The following THEMIS variants were observed in gnomAD, a reference collection of about 807,000 sequenced individuals.
THEMIS encodes the protein protein THEMIS.
Under a neutral mutation model 52.6 loss-of-function variants are expected in THEMIS, and 37 were observed. The observed-to-expected ratio is 0.70, with a 90% confidence interval of 0.54 to 0.93. THEMIS has a LOEUF of 0.93. THEMIS is among the 40% of genes least tolerant of loss of function. The pLI, the probability that THEMIS is intolerant of heterozygous loss-of-function variation, is 0.00. For missense variants in THEMIS, 808 were observed against 763.1 expected, an observed-to-expected ratio of 1.06 and a Z score of -0.69; for synonymous variants, 292 against 272.7, an observed-to-expected ratio of 1.07 and a Z score of -0.70.
intron 1 of THEMIS, among the ~76,000 whole-genome samples, chr6:127,867,043 G>A (rs1168942809): frequency 6.6e-6 from 1 of 151,590 alleles, no homozygotes; most frequent in Non-Finnish European, 1.5e-5. Context: ...TAGAAAAGGA[G>A]ATGTAGGTAC....
Position 127,790,358 on chromosome 6 carries a change from A to AT in THEMIS, c.1758+22524dup, listed in dbSNP as rs1777115914. 2.0e-5 allele frequency among the ~76,000 whole-genome samples: 3 copies of AT among 152,196 alleles called. No homozygotes were observed. In the South Asian group the frequency reaches 6.2e-4, roughly 32 times the overall value. ...ACACAATTGTTGAATGAAAATAAAA[A>AT]TGCACTTTCTTCTAAACTTTTTATT... On this transcript the variant is annotated intron_variant, in intron 4 of 5. Transcript: ENST00000368248.
intron 4 of THEMIS, among the ~76,000 whole-genome samples, chr6:127,810,809 A>T (rs1479499622): frequency 6.6e-6 from 1 of 151,978 alleles, no homozygotes; most frequent in East Asian, 1.9e-4. Flanking sequence ...CAAAGAGATT[A>T]TCTTCTTCTC....
chr6:127,847,692 T>A (rs1779265313), intron 2 of THEMIS, among the ~76,000 whole-genome samples: 1 of 151,202 alleles, frequency 6.6e-6, no homozygotes, highest in Admixed American at 6.6e-5. Context: ...ATGGGAAGAG[T>A]CAATATTGTG....
intron 3 of THEMIS, among the ~76,000 whole-genome samples, chr6:127,821,362 T>C (rs1432454177): frequency 6.6e-6 from 1 of 152,094 alleles, no homozygotes; most frequent in Non-Finnish European, 1.5e-5. Context: ...AGCATGAGAC[T>C]GAGAAACATT....
intron 4 of THEMIS, among the ~76,000 whole-genome samples, chr6:127,734,741 G>A (rs749699964): frequency 1.3e-5 from 2 of 150,894 alleles, no homozygotes; most frequent in South Asian, 2.1e-4. Flanking sequence ...GTGGTGGCAC[G>A]CGCCGTAGTC....
chr6:127,886,575 C>T (rs1421830139), intron 1 of THEMIS, among the ~76,000 whole-genome samples: 1 of 152,080 alleles, frequency 6.6e-6, no homozygotes, highest in African/African-American at 2.4e-5. Context: ...ATAAGTCTGA[C>T]ATTTGTAGGG....
chr6:127,805,733 C>T (rs1335850186), intron 4 of THEMIS, among the ~76,000 whole-genome samples: 1 of 151,926 alleles, frequency 6.6e-6, no homozygotes. Context: ...GAAAACATCA[C>T]CGAAGATTAA....
chr6:127,822,593 A>G (rs1410526342), intron 3 of THEMIS, among the ~76,000 whole-genome samples: 2 of 152,172 alleles, frequency 1.3e-5, no homozygotes, highest in Non-Finnish European at 2.9e-5. Context: ...AAAAGCAAAT[A>G]AACACTTTTT....
upstream of THEMIS, among the ~76,000 whole-genome samples, chr6:127,904,255 G>T (rs1048276228): frequency 1.3e-5 from 2 of 152,062 alleles, no homozygotes; most frequent in Non-Finnish European, 2.9e-5. Flanking sequence ...GCAGTACAGG[G>T]TTGATTGTAT....
chr6:127,719,965 G>A, intron 4 of THEMIS, 142 bp from the exon 5 acceptor site: 3 of 1,066,254 alleles, frequency 2.8e-6, no homozygotes, highest in Non-Finnish European at 4.0e-6. Flanking sequence ...CAAATTATAT[G>A]TTCATCAATA....
chr6:127,787,191 G>T (rs543095121), intron 4 of THEMIS, among the ~76,000 whole-genome samples: 16 of 152,006 alleles, frequency 1.1e-4, no homozygotes, highest in East Asian at 7.7e-4. Flanking sequence ...AAGATATAGG[G>T]TTTTTTTTAA....
In THEMIS at chr6:127,718,217, A is replaced by G. The variant is rs185000416; in HGVS notation, c.1894+1471T>C. Among the ~76,000 whole-genome samples, 5 of 152,084 alleles carry G rather than the reference A, an allele frequency of 3.3e-5. No homozygotes were observed. The East Asian group carries it at 9.7e-4, about 30-fold the overall frequency. ...TTTACAAATGGGAAAGCAAATAAAA[A>G]TATTGCCAAGATGTTCATACTGGGT... On this transcript the variant is annotated intron_variant, in intron 5 of 5. Transcript: ENST00000368248.
At chr6:127,696,648 G>T in the THEMIS span, among the ~76,000 whole-genome samples, 2 of 152,142 alleles carry the variant, frequency 1.3e-5, no homozygotes, top group South Asian at 2.1e-4. Flanking sequence ...GAATAACAGA[G>T]ATTTATTTTC....
At chr6:127,900,278 C>T (rs1210831297) in intron 1 of THEMIS, among the ~76,000 whole-genome samples, 1 of 151,862 alleles carries the variant, frequency 6.6e-6, no homozygotes, top group African/African-American at 2.4e-5. Flanking sequence ...TGAGTTTCAA[C>T]ATCAATTTTT....
intron 4 of THEMIS, among the ~76,000 whole-genome samples, chr6:127,772,220 T>A: frequency 6.6e-6 from 1 of 152,104 alleles, no homozygotes; most frequent in African/African-American, 2.4e-5. Context: ...ATAAGACAGA[T>A]AATGTTAAGT....
chr6:127,811,747 G>T (rs888548861), intron 4 of THEMIS, among the ~76,000 whole-genome samples: 1 of 152,148 alleles, frequency 6.6e-6, no homozygotes, highest in Non-Finnish European at 1.5e-5. Context: ...TATGTTAAAT[G>T]GGAGAAGCCA....
In THEMIS at chr6:127,813,275, G is replaced by T. The variant is rs1263588949; in HGVS notation, c.1366C>A (p.Pro456Thr). 6.2e-7 allele frequency: 1 copy of T among 1,614,104 alleles called. No individual in the cohort carries two copies. Among genetic ancestry groups the T allele is most frequent in the Non-Finnish European group, 8.5e-7 (1 of 1,180,012 alleles). Residue 456 changes from proline to threonine, a missense_variant, in exon 4 of 6, where the codon CCC becomes ACC. Physicochemically the swap from Pro to Thr is conservative, Grantham distance 38. Transcript: ENST00000368248. ...ISELCKQFRL[P>T]FNVKVSVRDL... ...CTGACAGACACCTTCACATTGAAGG[G>T]CAAACGGAACTGTTTACAGAGCTCA...
chr6:127,843,365 T>C (rs758437661), intron 2 of THEMIS, among the ~76,000 whole-genome samples: 3 of 152,034 alleles, frequency 2.0e-5, no homozygotes, highest in Non-Finnish European at 2.9e-5. Flanking sequence ...TCCAATACTG[T>C]ACCATTAACG....
chr6:127,815,526 AT>A (rs1234575979), intron 3 of THEMIS, among the ~76,000 whole-genome samples: 9 of 152,190 alleles, frequency 5.9e-5, no homozygotes, highest in Non-Finnish European at 1.0e-4. Context: ...TGTAAAAAAA[AT>A]AAAAAATCAG....
Sources: gnomAD v4.1 joint callset for allele counts (sites outside exome capture counted in the v4.1 genomes callset) on GRCh38, gnomAD v4.1.1 for gene constraint, MANE v1.5 for transcripts, NCBI Gene and HGNC (gene_info 2026-07-23, HGNC 2026-07-21) for gene names.